CLNK: variants seen among roughly 807,000 people sequenced by gnomAD.
CLNK encodes the protein cytokine-dependent hematopoietic cell linker.
CLNK carries 74 observed loss-of-function variants against 68.6 expected under a neutral mutation model. The ratio of observed to expected loss-of-function variants is 1.08; its 90% CI spans 0.89 to 1.31. The LOEUF (loss-of-function observed/expected upper bound fraction) is 1.31, where lower values mean the gene tolerates loss of function less well. Among genes scored for constraint, CLNK ranks in the 50% most tolerant of loss-of-function variants. The pLI is 0.00. For missense variants in CLNK, 553 were observed against 515.3 expected (o/e 1.07, Z -0.71); for synonymous variants, 198 against 172.2 (o/e 1.15, Z -1.17).
At chr4:10,700,240 T>C in the CLNK span, among the ~76,000 whole-genome samples, 21 of 152,176 alleles carry the variant, frequency 1.4e-4, no homozygotes, top group Non-Finnish European at 5.9e-5. Context: ...GGCTACATAG[T>C]ACATCCAATA....
intron 2 of CLNK, among the ~76,000 whole-genome samples, chr4:10,616,938 C>T (rs1405138952): frequency 6.6e-6 from 1 of 151,772 alleles, no homozygotes; most frequent in African/African-American, 2.4e-5. Flanking sequence ...AGAACGAACT[C>T]AGCTTGGGGG....
At chr4:10,524,376 G>A (rs1345373506) in intron 14 of CLNK, among the ~76,000 whole-genome samples, 1 of 152,208 alleles carries the variant, frequency 6.6e-6, no homozygotes, top group Non-Finnish European at 1.5e-5. Flanking sequence ...CTTGCAACAT[G>A]CCTGACTCTG....
intron 14 of CLNK, among the ~76,000 whole-genome samples, chr4:10,523,740 G>A (rs1718181327): frequency 6.6e-6 from 1 of 152,112 alleles, no homozygotes; most frequent in Non-Finnish European, 1.5e-5. Context: ...CATTAAGAAA[G>A]GGGGCCAGGC....
chr4:10,515,448 AT>A (rs35323799), intron 15 of CLNK, among the ~76,000 whole-genome samples: 3,067 of 143,164 alleles, frequency 0.021, 77 homozygotes, highest in East Asian at 0.074. Flanking sequence ...TGGAAACACC[AT>A]TTTTTTTTTT....
chr4:10,562,728 A>G (rs547153814), intron 7 of CLNK, among the ~76,000 whole-genome samples: 2 of 152,264 alleles, frequency 1.3e-5, no homozygotes, highest in Admixed American at 6.5e-5. Context: ...AGGATTAAAT[A>G]TCATTCATTC....
chr4:10,585,084 C>A lies in CLNK; in HGVS notation c.84-129G>T. On this transcript the variant is annotated intron_variant, in intron 3 of 18. Transcript: ENST00000226951. ...CCTCTGAAGCTGCTTTATGTATGTA[C>A]TATTGTAGACCTGAAGTCACATATT... 2.6e-6 allele frequency: 2 copies of A among 763,236 alleles called. 1 individual carries two copies. Among genetic ancestry groups the A allele is most frequent in the South Asian group, 3.3e-5 (2 of 60,758 alleles). 47.3% of individuals were successfully genotyped at this position (763,236 alleles called of 1,614,324 possible). A position where few individuals can be genotyped will look rare whatever the true frequency, so the allele number is the denominator to read the frequency against.
chr4:10,618,721 T>C (rs2531198), intron 2 of CLNK, among the ~76,000 whole-genome samples: 105,806 of 152,064 alleles, frequency 0.7, 37,732 homozygotes, highest in Non-Finnish European at 0.77. Context: ...ACATCTTCCA[T>C]GGCAGAAGCA....
At chr4:10,511,706 G>A (rs1374533002) in intron 16 of CLNK, among the ~76,000 whole-genome samples, 2 of 152,094 alleles carry the variant, frequency 1.3e-5, no homozygotes, top group South Asian at 4.2e-4. Context: ...TTCCTTTTTA[G>A]AGCTGTAAAC....
At chr4:10,501,457 T>C (rs1577089195) in intron 17 of CLNK, 46 bp from the exon 18 acceptor site, 2 of 1,577,602 alleles carry the variant, frequency 1.3e-6, no homozygotes, top group Non-Finnish European at 1.7e-6. Context: ...ACGCCAGCAT[T>C]CTGCCCTTGT....
chr4:10,537,706 CCTTTCTTTCTTTCTTTCTTTCTTTCTTT>C (rs752656552), intron 11 of CLNK, among the ~76,000 whole-genome samples: 1 of 13,376 alleles, frequency 7.5e-5, no homozygotes, highest in Non-Finnish European at 1.5e-4. Flanking sequence ...TTCCTTCCTT[CCTTTCTTTCTTTCTTTCTTTCTTTCTTT>C]CTTCCTTTCT....
chr4:10,537,666 T>TCTTTCTTC lies in CLNK; in HGVS notation c.602+2827_602+2828insGAAGAAAG, dbSNP rs1560206857. 6.3e-5 allele frequency among the ~76,000 whole-genome samples: 3 copies of TCTTTCTTC among 47,684 alleles called. No individual in the cohort carries two copies. In the East Asian group the frequency reaches 1.7e-3, roughly 27 times the overall value. The allele number at this position is 47,684 out of a possible 152,430, so 31.3% of individuals were successfully genotyped here. On this transcript the variant is annotated intron_variant, in intron 11 of 18. Transcript: ENST00000226951. ...TTCTTTCTTTCTTTCTTTCTTTCTT[T>TCTTTCTTC]CTTTCTTTCTTTCTTCCTTCCTTCC...
At chr4:10,659,543 A>G (rs1352365822) in intron 2 of CLNK, among the ~76,000 whole-genome samples, 11 of 152,240 alleles carry the variant, frequency 7.2e-5, no homozygotes, top group Non-Finnish European at 1.0e-4. Context: ...GGAGACAGAT[A>G]AATATTTGAC....
At chr4:10,647,632 A>C (rs938205064) in intron 2 of CLNK, among the ~76,000 whole-genome samples, 4 of 152,180 alleles carry the variant, frequency 2.6e-5, no homozygotes, top group Non-Finnish European at 5.9e-5. Flanking sequence ...TCTTATTAGC[A>C]GTTCAGGGAG....
intron 2 of CLNK, among the ~76,000 whole-genome samples, 192 bp downstream of exon 2, chr4:10,667,667 G>T (rs552841957): frequency 2.6e-5 from 4 of 152,130 alleles, no homozygotes; most frequent in Non-Finnish European, 5.9e-5. Context: ...CTCTGTCCAT[G>T]GGAAAATGCT....
chr4:10,558,988 T>C (rs1577128852), intron 7 of CLNK, among the ~76,000 whole-genome samples: 1 of 152,186 alleles, frequency 6.6e-6, no homozygotes, highest in African/African-American at 2.4e-5. Context: ...ACAAAAGCAC[T>C]GATACCTTTT....
intron 8 of CLNK, among the ~76,000 whole-genome samples, chr4:10,543,641 A>G (rs1254615965): frequency 6.6e-6 from 1 of 152,222 alleles, no homozygotes; most frequent in Non-Finnish European, 1.5e-5. Flanking sequence ...GAAAGGTCCA[A>G]CTGGCACAAT....
intron 2 of CLNK, among the ~76,000 whole-genome samples, chr4:10,653,052 A>G (rs1577198262): frequency 1.3e-5 from 2 of 152,306 alleles, no homozygotes; most frequent in Admixed American, 1.3e-4. Context: ...GACATGGATG[A>G]CACTGGAAAC....
rs76133073 is a variant in CLNK at position 10,638,494 on chromosome 4, G to T, written c.11+29365C>A. Among the ~76,000 whole-genome samples the T allele has an allele frequency of 4.6e-3, 706 of 152,320 alleles. 4 individuals are homozygous for T. The highest frequency in any genetic ancestry group is 6.9e-3 in the Non-Finnish European group (469 of 68,032). ...CCAGGATTGAGGAGTCTAGGAACTA[G>T]AATTTGTGATTCGGCTTTATTAAAT... is the stretch of plus-strand genomic sequence containing the variant. On this transcript the variant is annotated intron_variant, in intron 2 of 18. Transcript: ENST00000226951.
rs1028467203 is a variant in CLNK, at chr4:10,586,963, CT to C, written c.84-2009del. 3.9e-3 allele frequency among the ~76,000 whole-genome samples: 535 copies of C among 138,790 alleles called. 1 individual carries two copies. Among genetic ancestry groups the C allele is most frequent in the South Asian group, 7.8e-3 (34 of 4,366 alleles). 91.1% of individuals were successfully genotyped at this position (138,790 alleles called of 152,430 possible). A position where few individuals can be genotyped will look rare whatever the true frequency, so the allele number is the denominator to read the frequency against. ...GTACATGTCTTTGCCCATTTTTTTT[CT>C]TTTTTTTTTTGAGACAGAGTCTCAC... On this transcript the variant is annotated intron_variant, in intron 3 of 18. Coordinates refer to ENST00000226951, the MANE Select transcript of CLNK (RefSeq NM_052964.4).
Sources: gnomAD v4.1 joint callset for allele counts (sites outside exome capture counted in the v4.1 genomes callset) on GRCh38, gnomAD v4.1.1 for gene constraint, MANE v1.5 for transcripts, NCBI Gene and HGNC (gene_info 2026-07-23, HGNC 2026-07-21) for gene names.